Variants in SEMA6A observed in about 807,000 individuals in gnomAD.
SEMA6A encodes the protein semaphorin-6A.
A neutral mutation model predicts 96.8 loss-of-function variants in SEMA6A; 25 were observed. The ratio of observed to expected loss-of-function variants is 0.26; its 90% CI spans 0.19 to 0.36. The LOEUF (loss-of-function observed/expected upper bound fraction) is 0.36, where lower values mean the gene tolerates loss of function less well. Ranked by LOEUF, SEMA6A falls within the 10% of genes least tolerant of loss-of-function variation. The pLI, the probability that SEMA6A is intolerant of heterozygous loss-of-function variation, is 1.00. For missense variants in SEMA6A, 1,363 were observed against 1,323.1 expected, an observed-to-expected ratio of 1.03 and a Z score of -0.47; for synonymous variants, 612 against 518.0, an observed-to-expected ratio of 1.18 and a Z score of -2.46.
chr5:116,571,126 G>A lies in SEMA6A; in HGVS notation c.-39+3059C>T, dbSNP rs545915249. 1.8e-4 allele frequency among the ~76,000 whole-genome samples: 27 copies of A among 151,908 alleles called. No homozygotes were observed. In the South Asian group the frequency reaches 5.2e-3, roughly 29 times the overall value. On this transcript the variant is annotated intron_variant, in intron 1 of 18. Transcript: ENST00000343348. ...GAAGGCATATATTTTTTTTTTCACT[G>A]TAGGGAAAATAAAGAAGTCCACTTT... is the stretch of plus-strand genomic sequence containing the variant.
chr5:116,541,635 C>A (rs1759966984), intron 1 of SEMA6A, among the ~76,000 whole-genome samples: 1 of 152,124 alleles, frequency 6.6e-6, no homozygotes, highest in Non-Finnish European at 1.5e-5. Flanking sequence ...GAGATCGAGA[C>A]CAGCCTGGCC....
chr5:116,509,605 TGTGAGA>T (rs1263416283), intron 1 of SEMA6A, among the ~76,000 whole-genome samples: 3 of 133,830 alleles, frequency 2.2e-5, no homozygotes, highest in African/African-American at 5.4e-5. Context: ...TCTCTGTGTG[TGTGAGA>T]GAGAGAGAGA....
chr5:116,504,520 C>G (rs1261101035), intron 2 of SEMA6A, among the ~76,000 whole-genome samples: 1 of 152,178 alleles, frequency 6.6e-6, no homozygotes. Context: ...GCGAGTAATA[C>G]TGCCAATACC....
At position 116,536,773 on chromosome 5, in the gene SEMA6A, G is replaced by A. The variant is rs149503163; in HGVS notation, c.-38-31791C>T. Among the ~76,000 whole-genome samples, 587 of 151,084 alleles carry A rather than the reference G, an allele frequency of 3.9e-3. 4 individuals are homozygous for A. Among genetic ancestry groups the A allele is most frequent in the African/African-American group, 0.014 (575 of 41,048 alleles). ...TCTCTTCAGGTACTGCATTGTCCGC[G>A]GGAGATGTTCTCAGCAGTCAAGGAA... On this transcript the variant is annotated intron_variant, in intron 1 of 18. Coordinates refer to ENST00000343348, the MANE Select transcript of SEMA6A (RefSeq NM_020796.5).
intron 3 of SEMA6A, among the ~76,000 whole-genome samples, chr5:116,499,862 C>T (rs1016860594): frequency 6.6e-6 from 1 of 152,180 alleles, no homozygotes; most frequent in Non-Finnish European, 1.5e-5. Flanking sequence ...GTACCTTGCT[C>T]CTAACACTCA....
intron 18 of SEMA6A, among the ~76,000 whole-genome samples, chr5:116,458,774 C>T (rs984907577): frequency 6.6e-6 from 1 of 151,910 alleles, no homozygotes; most frequent in Non-Finnish European, 1.5e-5. Flanking sequence ...TCATCAAGAC[C>T]TTAGATAAAT....
chr5:116,459,659 C>T (rs924531252), intron 18 of SEMA6A, among the ~76,000 whole-genome samples: 2 of 152,138 alleles, frequency 1.3e-5, no homozygotes, highest in African/African-American at 4.8e-5. Context: ...TCCTTCAAGA[C>T]TTTGAAAGGT....
chr5:116,457,643 G>C (rs1466865879), intron 18 of SEMA6A, among the ~76,000 whole-genome samples: 1 of 152,094 alleles, frequency 6.6e-6, no homozygotes, highest in Non-Finnish European at 1.5e-5. Context: ...CCTTCACATT[G>C]CCTGTAATTG....
In SEMA6A at chr5:116,467,668, C is replaced by T; in HGVS notation, c.1809G>A (p.Met603Ile). 6.2e-7 allele frequency: 1 copy of T among 1,613,760 alleles called. No individual in the cohort carries two copies. Among genetic ancestry groups the T allele is most frequent in the Non-Finnish European group, 8.5e-7 (1 of 1,179,828 alleles). ...AQEGYESRGG[M>I]LDWKHLLDSP... The stretch of plus-strand genomic sequence containing the variant: ...AGTCAAGCAGATGCTTCCAGTCCAG[C>T]ATTCCTCCCCTAGACTCATACCCCT... Residue 603 changes from methionine (M) to isoleucine (I), a missense_variant, in exon 18 of 19, where the codon ATG (methionine) becomes ATA (isoleucine). By Grantham distance (10) the Met-to-Ile change is conservative. Coordinates refer to ENST00000343348, the MANE Select transcript of SEMA6A (RefSeq NM_020796.5).
chr5:116,461,224 C>G (rs369977199), intron 18 of SEMA6A, among the ~76,000 whole-genome samples: 3 of 152,082 alleles, frequency 2.0e-5, no homozygotes, highest in East Asian at 3.9e-4. Context: ...CCGTCACAAT[C>G]AATTCACTAT....
At chr5:116,524,723 AG>A (rs1759127390) in intron 1 of SEMA6A, among the ~76,000 whole-genome samples, 1 of 130,808 alleles carries the variant, frequency 7.6e-6, no homozygotes, top group Non-Finnish European at 1.7e-5. Context: ...TTATTTTCAT[AG>A]GTTCCTAACC....
chr5:116,573,595 G>C (rs1430955964), intron 1 of SEMA6A, among the ~76,000 whole-genome samples: 2 of 151,080 alleles, frequency 1.3e-5, no homozygotes, highest in African/African-American at 4.9e-5. Flanking sequence ...GGTGCCTAGA[G>C]CCATTACAAG....
chr5:116,528,440 G>T (rs867534469), intron 1 of SEMA6A, among the ~76,000 whole-genome samples: 3 of 152,260 alleles, frequency 2.0e-5, no homozygotes, highest in South Asian at 2.1e-4. Flanking sequence ...GCAGTTGATT[G>T]TCAGGAGAGC....
intron 1 of SEMA6A, among the ~76,000 whole-genome samples, chr5:116,556,193 G>A (rs527409013): frequency 6.6e-6 from 1 of 152,266 alleles, no homozygotes; most frequent in South Asian, 2.1e-4. Context: ...ATCTAATTTA[G>A]CACTCTGCAC....
At chr5:116,503,129 G>A (rs1322614274) in intron 2 of SEMA6A, among the ~76,000 whole-genome samples, 7 of 152,092 alleles carry the variant, frequency 4.6e-5, no homozygotes, top group Middle Eastern at 3.4e-3. Flanking sequence ...TTACACCTAC[G>A]ATCTCCAGAG....
chr5:116,559,739 C>A (rs1484618577), intron 1 of SEMA6A, among the ~76,000 whole-genome samples: 2 of 152,232 alleles, frequency 1.3e-5, no homozygotes, highest in African/African-American at 2.4e-5. Context: ...ATCCACTCAG[C>A]TCCCCAGAGG....
intron 1 of SEMA6A, among the ~76,000 whole-genome samples, chr5:116,530,369 C>G (rs1759412632): frequency 6.6e-6 from 1 of 152,110 alleles, no homozygotes; most frequent in African/African-American, 2.4e-5. Context: ...TGTATTTTCT[C>G]TTAGCTCACT....
At chr5:116,537,295 T>G (rs182799307) in intron 1 of SEMA6A, among the ~76,000 whole-genome samples, 2 of 152,322 alleles carry the variant, frequency 1.3e-5, no homozygotes, top group East Asian at 1.9e-4. Context: ...GACCTTACTT[T>G]GTAAAGAAGC....
Position 116,558,446 on chromosome 5 carries a change from TTC to T in SEMA6A, c.-39+15737_-39+15738del, listed in dbSNP as rs1158070029. Among the ~76,000 whole-genome samples the T allele has an allele frequency of 1.9e-4, 10 of 51,734 alleles. 2 individuals carry two copies. The highest frequency in any genetic ancestry group is 5.0e-4 in the African/African-American group (10 of 19,842). The allele number at this position is 51,734 out of a possible 152,430, so 33.9% of individuals were successfully genotyped here. On this transcript the variant is annotated intron_variant, in intron 1 of 18. Coordinates refer to ENST00000343348, the MANE Select transcript of SEMA6A (RefSeq NM_020796.5). ...TTAGAGAATACCCATCATTTAAGGA[TTC>T]TTTTTTTTTTTTTTTTTTTTTTTTT... is the stretch of plus-strand genomic sequence containing the variant.
Sources: gnomAD v4.1 joint callset for allele counts (sites outside exome capture counted in the v4.1 genomes callset) on GRCh38, gnomAD v4.1.1 for gene constraint, MANE v1.5 for transcripts, NCBI Gene and HGNC (gene_info 2026-07-23, HGNC 2026-07-21) for gene names.